The following LRRC20 variants were observed in gnomAD, a reference collection of about 807,000 sequenced individuals.
LRRC20 encodes the protein leucine rich repeat containing 20.
Under a neutral mutation model 14.4 loss-of-function variants are expected in LRRC20, and 11 were observed. The observed-to-expected ratio is 0.77, with a 90% confidence interval of 0.48 to 1.27. LRRC20 has a LOEUF of 1.27. LRRC20 is among the 50% of genes most tolerant of loss of function. The pLI, the probability that LRRC20 is intolerant of heterozygous loss-of-function variation, is 0.00. For synonymous variants in LRRC20, 121 were observed against 107.3 expected, an observed-to-expected ratio of 1.13 and a Z score of -0.79; for missense variants, 219 against 251.2, an observed-to-expected ratio of 0.87 and a Z score of 0.87.
At chr10:70,378,813 G>A (rs970078822) in intron 1 of LRRC20, among the ~76,000 whole-genome samples, 1 of 144,150 alleles carries the variant, frequency 6.9e-6, no homozygotes, top group African/African-American at 2.6e-5. Context: ...AGGCATGGTC[G>A]CACATGCCTG....
intron 4 of LRRC20, among the ~76,000 whole-genome samples, chr10:70,316,372 A>C (rs1841859477): frequency 2.0e-5 from 3 of 152,192 alleles, no homozygotes; most frequent in African/African-American, 7.2e-5. Context: ...ACCTCAAGTG[A>C]TCCACCTACC....
intron 2 of LRRC20, among the ~76,000 whole-genome samples, chr10:70,372,072 G>C (rs1037915420): frequency 6.6e-6 from 1 of 151,546 alleles, no homozygotes; most frequent in Admixed American, 6.6e-5. Flanking sequence ...GCACCACCCC[G>C]GGAGGGAACC....
chr10:70,326,548 G>A (rs1450507631), intron 3 of LRRC20, among the ~76,000 whole-genome samples: 1 of 152,174 alleles, frequency 6.6e-6, no homozygotes. Flanking sequence ...TCCATCTTCA[G>A]GGACGTCGGA....
Position 70,376,609 on chromosome 10 carries a change from C to T in LRRC20, c.-63-13G>A. 6.9e-7 allele frequency: 1 copy of T among 1,453,480 alleles called. No homozygotes were observed. Among genetic ancestry groups the T allele is most frequent in the Non-Finnish European group, 9.6e-7 (1 of 1,045,554 alleles). 90.0% of individuals were successfully genotyped at this position (1,453,480 alleles called of 1,614,324 possible). A position where few individuals can be genotyped will look rare whatever the true frequency, so the allele number is the denominator to read the frequency against. On this transcript the variant is annotated splice_polypyrimidine_tract_variant and intron_variant, in intron 1 of 4. Coordinates refer to ENST00000446961, the MANE Select transcript of LRRC20 (RefSeq NM_001278212.2). ...AAAGGGCCTGAGCCTGGGGAAGACG[C>T]AGTGCCATGAAGTGCCCGCCTGCCA...
chr10:70,380,174 G>T (rs1007996548), intron 1 of LRRC20, among the ~76,000 whole-genome samples: 1 of 152,154 alleles, frequency 6.6e-6, no homozygotes, highest in Non-Finnish European at 1.5e-5. Flanking sequence ...ACGTCCTATT[G>T]TGTGGGTCAG....
chr10:70,372,543 A>G (rs952916853), intron 2 of LRRC20, among the ~76,000 whole-genome samples: 5 of 149,398 alleles, frequency 3.3e-5, no homozygotes, highest in South Asian at 2.1e-4. Flanking sequence ...CCAGGTTCAC[A>G]CCATTCTCCT....
At chr10:70,338,461 G>A (rs1001296850) in intron 3 of LRRC20, among the ~76,000 whole-genome samples, 7 of 152,042 alleles carry the variant, frequency 4.6e-5, no homozygotes, top group African/African-American at 1.7e-4. Context: ...TCCCTATCAC[G>A]TAGAGCATTC....
At chr10:70,324,418 A>G (rs536444360) in intron 3 of LRRC20, among the ~76,000 whole-genome samples, 2 of 151,954 alleles carry the variant, frequency 1.3e-5, no homozygotes, top group African/African-American at 2.4e-5. Flanking sequence ...GGCTCCCCAC[A>G]CTCCATTTAG....
rs564223219 is a variant in LRRC20, at chr10:70,331,890, C to G, written c.233-7860G>C. Reference sequence around the variant, plus strand: ...TTCCTCTTATTACTTCCTGTACCATCCTTATCTTGGACAATTGCCAAGGCT... The same window carrying G: ...TTCCTCTTATTACTTCCTGTACCATGCTTATCTTGGACAATTGCCAAGGCT... On this transcript the variant is annotated intron_variant, in intron 3 of 4. Coordinates refer to ENST00000446961, the MANE Select transcript of LRRC20 (RefSeq NM_001278212.2). Among the ~76,000 whole-genome samples the G allele has an allele frequency of 2.2e-4, 34 of 152,310 alleles. No individual in the cohort carries two copies. In the South Asian group the frequency reaches 6.6e-3, roughly 30 times the overall value.
chr10:70,336,881 A>C (rs1842739049), intron 3 of LRRC20, among the ~76,000 whole-genome samples: 1 of 152,158 alleles, frequency 6.6e-6, no homozygotes, highest in African/African-American at 2.4e-5. Flanking sequence ...GGAAGAGGGG[A>C]AACAGGGATA....
chr10:70,329,753 C>G (rs140528664), intron 3 of LRRC20, among the ~76,000 whole-genome samples: 1 of 152,052 alleles, frequency 6.6e-6, no homozygotes, highest in South Asian at 2.1e-4. Flanking sequence ...TTACTAGAGA[C>G]GGGGTTTCCC....
At chr10:70,310,770 A>C (rs1393442765) in intron 4 of LRRC20, among the ~76,000 whole-genome samples, 2 of 152,206 alleles carry the variant, frequency 1.3e-5, no homozygotes, top group African/African-American at 4.8e-5. Flanking sequence ...TACACTCAAG[A>C]GTTGGGGCCC....
intron 3 of LRRC20, among the ~76,000 whole-genome samples, chr10:70,324,543 G>A (rs3861040): frequency 0.21 from 31,410 of 152,232 alleles, 3,572 homozygotes; most frequent in Non-Finnish European, 0.23. Flanking sequence ...CAATGTGGGT[G>A]GGTTCCTGCT....
chr10:70,338,978 T>A (rs896169531), intron 3 of LRRC20, among the ~76,000 whole-genome samples: 1 of 151,936 alleles, frequency 6.6e-6, no homozygotes, highest in Non-Finnish European at 1.5e-5. Flanking sequence ...CATATGTTTT[T>A]ACACCTCTTG....
At chr10:70,362,310 A>C (rs1423028807) in intron 2 of LRRC20, among the ~76,000 whole-genome samples, 1 of 152,270 alleles carries the variant, frequency 6.6e-6, no homozygotes, top group Non-Finnish European at 1.5e-5. Context: ...AGAAAGGCTT[A>C]ATAGTTCAAA....
At chr10:70,303,279 T>A (rs1337201018) in intron 4 of LRRC20, among the ~76,000 whole-genome samples, 2 of 152,158 alleles carry the variant, frequency 1.3e-5, no homozygotes, top group Admixed American at 1.3e-4. Context: ...TGCCATCTGC[T>A]CCATCATACC....
At position 70,382,355 on chromosome 10, in the gene LRRC20, C is replaced by A. The variant is rs967433485; in HGVS notation, c.-64+194G>T. 2.0e-5 allele frequency: 3 copies of A among 152,404 alleles called. No homozygotes were observed. In the East Asian group the frequency reaches 5.8e-4, roughly 29 times the overall value. The allele number at this position is 152,404 out of a possible 1,614,324, so 9.4% of individuals were successfully genotyped here. ...CCGCGCATGCCGAGCCCCTTGGCAC[C>A]GCCAGAGCCTCCGCTGGTGCACCGC... On this transcript the variant is annotated intron_variant, in intron 1 of 4. Transcript: ENST00000446961.
chr10:70,375,583 C>T (rs1844477563), intron 2 of LRRC20, among the ~76,000 whole-genome samples: 1 of 152,198 alleles, frequency 6.6e-6, no homozygotes, highest in African/African-American at 2.4e-5. Context: ...GACACACACA[C>T]ACACACACCC....
At chr10:70,334,951 G>A (rs1051687661) in intron 3 of LRRC20, among the ~76,000 whole-genome samples, 2 of 152,178 alleles carry the variant, frequency 1.3e-5, no homozygotes, top group Non-Finnish European at 2.9e-5. Flanking sequence ...CCTGTGGTGA[G>A]GGTAAGGGGC....
Sources: gnomAD v4.1 joint callset for allele counts (sites outside exome capture counted in the v4.1 genomes callset) on GRCh38, gnomAD v4.1.1 for gene constraint, MANE v1.5 for transcripts, NCBI Gene and HGNC (gene_info 2026-07-23, HGNC 2026-07-21) for gene names.